WWOX: variants seen among roughly 807,000 people sequenced by gnomAD.
WWOX encodes the protein WW domain containing oxidoreductase.
A neutral mutation model predicts 46.2 loss-of-function variants in WWOX; 69 were observed. That is an observed-to-expected ratio of 1.49 (90% CI 1.23 to 1.82). The LOEUF is 1.82. WWOX is among the 40% of genes most tolerant of loss of function. The pLI is 0.00. For missense variants in WWOX, 919 were observed against 542.6 expected, an observed-to-expected ratio of 1.69 and a Z score of -6.89; for synonymous variants, 359 against 202.6, an observed-to-expected ratio of 1.77 and a Z score of -6.56.
intron 5 of WWOX, among the ~76,000 whole-genome samples, chr16:78,235,549 C>T (rs28447117): frequency 0.11 from 17,188 of 152,226 alleles, 1,055 homozygotes; most frequent in South Asian, 0.24. Flanking sequence ...CTCTAGCTCT[C>T]TGTCTGCATC....
chr16:78,118,956 T>C (rs973312922), intron 4 of WWOX: 1 of 152,190 alleles, frequency 6.6e-6, no homozygotes, highest in Admixed American at 6.5e-5. Context: ...TTTAACCAGC[T>C]TTCTGAACCT....
At chr16:79,160,413 C>T (rs1357610337) in intron 8 of WWOX, among the ~76,000 whole-genome samples, 6 of 152,060 alleles carry the variant, frequency 3.9e-5, no homozygotes, top group Admixed American at 2.0e-4. Flanking sequence ...AATCACAGCA[C>T]CTCAGGATCC....
chr16:78,244,942 A>G (rs2037770530), intron 5 of WWOX, among the ~76,000 whole-genome samples: 1 of 152,222 alleles, frequency 6.6e-6, no homozygotes, highest in Admixed American at 6.5e-5. Context: ...AAAATCCTCC[A>G]ATATATATCT....
At chr16:78,320,994 T>A (rs1379590686) in intron 5 of WWOX, among the ~76,000 whole-genome samples, 1 of 152,156 alleles carries the variant, frequency 6.6e-6, no homozygotes, top group African/African-American at 2.4e-5. Flanking sequence ...GTAGCTTGAT[T>A]CTATTTATAA....
intron 8 of WWOX, among the ~76,000 whole-genome samples, chr16:78,703,433 T>G (rs574916241): frequency 3.0e-4 from 44 of 148,164 alleles, no homozygotes; most frequent in Non-Finnish European, 5.5e-4. Context: ...GTGGGTAACA[T>G]AGAGACTCTG....
chr16:78,793,615 T>C (rs897151256), intron 8 of WWOX, among the ~76,000 whole-genome samples: 11 of 152,204 alleles, frequency 7.2e-5, no homozygotes, highest in Non-Finnish European at 1.5e-4. Flanking sequence ...TTAAATATTA[T>C]TCAATGTGCC....
intron 8 of WWOX, among the ~76,000 whole-genome samples, chr16:78,885,172 G>A (rs897349842): frequency 4.4e-4 from 67 of 151,844 alleles, no homozygotes; most frequent in African/African-American, 1.4e-3. Flanking sequence ...TGGTTGCGGG[G>A]GACTACCAAT....
chr16:78,433,456 A>G (rs973460599), intron 8 of WWOX, among the ~76,000 whole-genome samples: 16 of 152,212 alleles, frequency 1.1e-4, no homozygotes, highest in African/African-American at 2.9e-4. Context: ...ATTTTCCACA[A>G]TATATTTGGT....
chr16:79,033,899 A>AAG (rs1235213809), intron 8 of WWOX, among the ~76,000 whole-genome samples: 1 of 152,236 alleles, frequency 6.6e-6, no homozygotes, highest in African/African-American at 2.4e-5. Flanking sequence ...TCGCACCATC[A>AAG]AACAGGCATA....
chr16:78,718,135 C>A (rs148455290), intron 8 of WWOX, among the ~76,000 whole-genome samples: 1 of 86,130 alleles, frequency 1.2e-5, no homozygotes, highest in Non-Finnish European at 2.3e-5. Flanking sequence ...AAAGTATGGG[C>A]CATTGCATGT....
intron 8 of WWOX, among the ~76,000 whole-genome samples, chr16:78,502,309 A>C (rs959263165): frequency 6.6e-6 from 1 of 152,208 alleles, no homozygotes; most frequent in Non-Finnish European, 1.5e-5. Context: ...CATTAACCCA[A>C]GAAAATGACC....
chr16:78,306,133 C>T (rs923816103), intron 5 of WWOX, among the ~76,000 whole-genome samples: 3 of 151,982 alleles, frequency 2.0e-5, no homozygotes, highest in Non-Finnish European at 4.4e-5. Context: ...TCTAGTAATT[C>T]ATGTTTTTAT....
chr16:78,639,242 A>G (rs984624211), intron 8 of WWOX, among the ~76,000 whole-genome samples: 1 of 152,136 alleles, frequency 6.6e-6, no homozygotes, highest in Admixed American at 6.5e-5. Flanking sequence ...CCAGGCATCA[A>G]TGACACATGC....
At position 78,099,758 on chromosome 16, in the gene WWOX, C is replaced by T. The variant is rs1220305885; in HGVS notation, c.-21C>T. On this transcript the variant is annotated 5_prime_UTR_variant, in exon 1 of 9. Transcript: ENST00000566780. The stretch of plus-strand genomic sequence containing the variant: ...ACCCGGCAGCGGGCGATAGGGGGGC[C>T]AGGTGCCTCCACAGTCAGCCATGGC... 8.5e-6 allele frequency: 13 copies of T among 1,529,542 alleles called. No homozygotes were observed. Among genetic ancestry groups the T allele is most frequent in the African/African-American group, 1.4e-5 (1 of 71,382 alleles). The allele number at this position is 1,529,542 out of a possible 1,614,324, so 94.7% of individuals were successfully genotyped here.
chr16:78,305,968 A>G (rs944642153), intron 5 of WWOX, among the ~76,000 whole-genome samples: 1 of 152,066 alleles, frequency 6.6e-6, no homozygotes, highest in Non-Finnish European at 1.5e-5. Context: ...TTGATTGGGA[A>G]CAGGTTCTAA....
At chr16:78,962,899 T>C (rs866276646) in intron 8 of WWOX, among the ~76,000 whole-genome samples, 1 of 152,234 alleles carries the variant, frequency 6.6e-6, no homozygotes, top group African/African-American at 2.4e-5. Context: ...CCAGTACGCA[T>C]TCTTTGCTGT....
chr16:78,395,639 G>C (rs1347858377), intron 6 of WWOX, among the ~76,000 whole-genome samples: 2 of 152,158 alleles, frequency 1.3e-5, no homozygotes. Context: ...GCTTCACATT[G>C]CCTGCAAGCT....
At chr16:79,062,349 T>C (rs2048370926) in intron 8 of WWOX, among the ~76,000 whole-genome samples, 1 of 152,180 alleles carries the variant, frequency 6.6e-6, no homozygotes, top group Non-Finnish European at 1.5e-5. Context: ...GGAGAAAAGG[T>C]AATGGGGACC....
chr16:78,393,628 G>A (rs907144986), intron 6 of WWOX, among the ~76,000 whole-genome samples: 1 of 152,104 alleles, frequency 6.6e-6, no homozygotes, highest in Admixed American at 6.5e-5. Flanking sequence ...TGCAGTTACT[G>A]GTCAGCTTGT....
Sources: gnomAD v4.1 joint callset for allele counts (sites outside exome capture counted in the v4.1 genomes callset) on GRCh38, gnomAD v4.1.1 for gene constraint, MANE v1.5 for transcripts, NCBI Gene and HGNC (gene_info 2026-07-23, HGNC 2026-07-21) for gene names.